Variants in NPC1 observed in about 807,000 individuals in gnomAD.
The protein encoded by NPC1 is Niemann-Pick C1 protein.
A neutral mutation model predicts 140.4 loss-of-function variants in NPC1; 85 were observed. The observed-to-expected ratio is 0.61, with a 90% confidence interval of 0.51 to 0.72. The LOEUF (loss-of-function observed/expected upper bound fraction) is 0.72, where lower values mean the gene tolerates loss of function less well. Ranked by LOEUF, NPC1 falls within the 30% of genes least tolerant of loss-of-function variation. NPC1 has a pLI of 0.00. For synonymous variants in NPC1, 656 were observed against 624.8 expected, an observed-to-expected ratio of 1.05 and a Z score of -0.74; for missense variants, 1,504 against 1,623.8, an observed-to-expected ratio of 0.93 and a Z score of 1.27.
In NPC1 at chr18:23,532,391, G is replaced by C. The variant is rs1445981300; in HGVS notation, c.3755-107C>G. The C allele has an allele frequency of 9.7e-6, 12 of 1,235,414 alleles. No individual in the cohort carries two copies. The East Asian group carries it at 2.8e-4, about 29-fold the overall frequency. The allele number at this position is 1,235,414 out of a possible 1,614,324, so 76.5% of individuals were successfully genotyped here. ...CCCACTTTGGAAGACTGAGGCAGGA[G>C]AATTGCTTGAGACCAGCCTGGACAA... On this transcript the variant is annotated intron_variant, in intron 24 of 24. Coordinates refer to ENST00000269228, the MANE Select transcript of NPC1 (RefSeq NM_000271.5).
At chr18:23,575,406 G>T (rs977827511) in intron 1 of NPC1, among the ~76,000 whole-genome samples, 3 of 152,142 alleles carry the variant, frequency 2.0e-5, no homozygotes, top group Admixed American at 6.5e-5. Flanking sequence ...AAGAGCTCCT[G>T]AGGCTCAGTG....
chr18:23,526,516 T>G, downstream of NPC1: 1 of 1,182,596 alleles, frequency 8.5e-7, no homozygotes, highest in Non-Finnish European at 1.2e-6. Context: ...CTACACTGAC[T>G]GTACTTTGCG....
intron 1 of NPC1, among the ~76,000 whole-genome samples, chr18:23,523,833 C>T (rs1385767883): frequency 1.3e-5 from 2 of 152,158 alleles, no homozygotes; most frequent in Non-Finnish European, 2.9e-5. Flanking sequence ...AGTTCCTTAA[C>T]GTGCATATGT....
chr18:23,534,810 G>C (rs2058602032), intron 22 of NPC1, among the ~76,000 whole-genome samples: 1 of 152,176 alleles, frequency 6.6e-6, no homozygotes, highest in Non-Finnish European at 1.5e-5. Context: ...GAAATTGCTG[G>C]AACCCGTTAA....
chr18:23,546,579 G>C (rs2058793363), intron 11 of NPC1, among the ~76,000 whole-genome samples: 1 of 152,150 alleles, frequency 6.6e-6, no homozygotes, highest in South Asian at 2.1e-4. Context: ...GTTCATAGCA[G>C]CATTATTCAT....
chr18:23,529,195 A>G (rs1162482753), downstream of NPC1: 1 of 1,613,580 alleles, frequency 6.2e-7, no homozygotes, highest in East Asian at 2.2e-5. Context: ...GAAGCAGGGC[A>G]GAGCCGAAGC....
chr18:23,584,684 C>T (rs1009821930), intron 1 of NPC1, among the ~76,000 whole-genome samples: 2 of 152,146 alleles, frequency 1.3e-5, no homozygotes, highest in African/African-American at 4.8e-5. Flanking sequence ...CACGGTGAAA[C>T]CCCATCTCCA....
At chr18:23,520,321 G>A (rs745779942), downstream of NPC1, 17 of 1,603,654 alleles carry the variant, frequency 1.1e-5, no homozygotes, top group South Asian at 7.7e-5. Flanking sequence ...CAGGTAACAC[G>A]GGTTCTGTAG....
intron 4 of NPC1, among the ~76,000 whole-genome samples, chr18:23,567,499 G>C (rs1280538492): frequency 1.3e-5 from 2 of 152,064 alleles, no homozygotes; most frequent in East Asian, 1.9e-4. Flanking sequence ...CTTTCTTATT[G>C]AGTTTTAGGA....
In NPC1 at chr18:23,586,345, C is replaced by T. The variant is rs764756937; in HGVS notation, c.-2G>A. The T allele has an allele frequency of 8.5e-6, 13 of 1,533,108 alleles. No homozygotes were observed. In the South Asian group the frequency reaches 1.6e-4, roughly 18 times the overall value. The allele number at this position is 1,533,108 out of a possible 1,614,324, so 95.0% of individuals were successfully genotyped here. ...AAGGGCCAGGCCGCGAGCGGTCATG[C>T]TGTGGCCGCGCAAGGCTGCTGACGC... On this transcript the variant is annotated 5_prime_UTR_variant, in exon 1 of 25. Coordinates refer to ENST00000269228, the MANE Select transcript of NPC1 (RefSeq NM_000271.5).
chr18:23,524,389 T>C (rs778395007), downstream of NPC1: 4 of 1,610,178 alleles, frequency 2.5e-6, no homozygotes, highest in African/African-American at 5.3e-5. Flanking sequence ...TGCTTTTTGT[T>C]TTCATCTTTT....
intron 4 of NPC1, among the ~76,000 whole-genome samples, chr18:23,562,423 G>A (rs979195938): frequency 1.6e-4 from 25 of 151,982 alleles, no homozygotes; most frequent in Admixed American, 1.5e-3. Context: ...AGCTGGAATG[G>A]GTCCTGTACT....
At chr18:23,586,137 A>T in intron 1 of NPC1, 150 bp downstream of exon 1, 1 of 817,416 alleles carries the variant, frequency 1.2e-6, no homozygotes, top group Non-Finnish European at 1.9e-6. Flanking sequence ...CGGAGACAGA[A>T]ACAGGACAAG....
At chr18:23,567,872 T>G (rs1486776846) in intron 4 of NPC1, among the ~76,000 whole-genome samples, 2 of 152,236 alleles carry the variant, frequency 1.3e-5, no homozygotes, top group Non-Finnish European at 2.9e-5. Context: ...CTTTTTAATT[T>G]GTGCCAAGCT....
chr18:23,544,533 G>A lies in NPC1; in HGVS notation c.1948-7C>T. ...GTGAGACCTTCGAATCCACCTGAGA[G>A]AGGCGACAGACACAATCACCAATTA... is the stretch of plus-strand genomic sequence containing the variant. On this transcript the variant is annotated splice_polypyrimidine_tract_variant and splice_region_variant and intron_variant, in intron 12 of 24. Transcript: ENST00000269228. 1 of 1,613,990 alleles carries A rather than the reference G, an allele frequency of 6.2e-7. No individual in the cohort carries two copies. The highest frequency in any genetic ancestry group is 8.5e-7 in the Non-Finnish European group (1 of 1,179,902).
chr18:23,525,723 T>C (rs1261473387), downstream of NPC1, among the ~76,000 whole-genome samples: 1 of 152,046 alleles, frequency 6.6e-6, no homozygotes, highest in Non-Finnish European at 1.5e-5. Context: ...ACAGCCGGCC[T>C]ATAATTTTTT....
chr18:23,545,550 C>T (rs1316340880), intron 11 of NPC1, among the ~76,000 whole-genome samples: 1 of 152,174 alleles, frequency 6.6e-6, no homozygotes, highest in Non-Finnish European at 1.5e-5. Flanking sequence ...GGCTCAAAGG[C>T]CATGTTTTCT....
Position 23,539,466 on chromosome 18 carries a change from G to A in NPC1, c.2800C>T (p.Arg934Ter), listed in dbSNP as rs370721218. 6.2e-6 allele frequency: 10 copies of A among 1,609,316 alleles called. No homozygotes were observed. The highest frequency in any genetic ancestry group is 2.2e-5 in the East Asian group (1 of 44,870). The part of the protein sequence containing the change: ...FNAAQLDNYT[R>*]IGFAPSSWID... The stretch of plus-strand genomic sequence containing the variant: ...CAGGACGAGGGGGCGAAGCCTATTC[G>A]GGTACTAGAGAGGACAGACAGGGTT... Residue 934 changes from arginine (R) to a stop codon, truncating the protein, a stop_gained, in exon 19 of 25, where the codon CGA (arginine) becomes TGA (stop). Transcript: ENST00000269228. LOFTEE classifies it high-confidence loss of function.
At chr18:23,513,446 G>A (rs371847540) in intron 3 of NPC1, among the ~76,000 whole-genome samples, 2 of 152,176 alleles carry the variant, frequency 1.3e-5, no homozygotes, top group African/African-American at 4.8e-5. Context: ...TTCATCTGTT[G>A]AGGGACATTT....
Sources: gnomAD v4.1 joint callset for allele counts (sites outside exome capture counted in the v4.1 genomes callset) on GRCh38, gnomAD v4.1.1 for gene constraint, MANE v1.5 for transcripts, NCBI Gene and HGNC (gene_info 2026-07-23, HGNC 2026-07-21) for gene names.